HFM1: variants seen among roughly 807,000 people sequenced by gnomAD.
HFM1 encodes the protein probable ATP-dependent DNA helicase HFM1.
In HFM1, 169 loss-of-function variants were observed where a neutral mutation model predicts 192.1. That is an observed-to-expected ratio of 0.88 (90% CI 0.78 to 1.00). HFM1 has a LOEUF of 1.00. HFM1 is among the 50% of genes least tolerant of loss of function. The pLI is 0.00. For synonymous variants in HFM1, 525 were observed against 537.8 expected, an observed-to-expected ratio of 0.98 and a Z score of 0.33; for missense variants, 1,661 against 1,668.0, an observed-to-expected ratio of 1.00 and a Z score of 0.07.
At chr1:91,383,663 T>C (rs1661823301) in intron 6 of HFM1, among the ~76,000 whole-genome samples, 1 of 152,200 alleles carries the variant, frequency 6.6e-6, no homozygotes, top group African/African-American at 2.4e-5. Flanking sequence ...AATTCATTTT[T>C]CATTTTGTCA....
intron 30 of HFM1, among the ~76,000 whole-genome samples, chr1:91,299,425 CA>C (rs1205908537): frequency 6.6e-6 from 1 of 152,164 alleles, no homozygotes; most frequent in Admixed American, 6.5e-5. Context: ...AGCTCTGCAC[CA>C]ACCGGACCTA....
intron 34 of HFM1, among the ~76,000 whole-genome samples, chr1:91,269,125 A>G (rs1199715300): frequency 1.3e-5 from 2 of 152,102 alleles, no homozygotes; most frequent in Non-Finnish European, 2.9e-5. Flanking sequence ...CCAGATTGGT[A>G]GTATTTGCTG....
intron 13 of HFM1, among the ~76,000 whole-genome samples, chr1:91,360,171 G>GACAGGATCAAATTCAC (rs1658304429): frequency 6.6e-6 from 1 of 152,142 alleles, no homozygotes; most frequent in Non-Finnish European, 1.5e-5. Context: ...GCATCATGAT[G>GACAGGATCAAATTCAC]ACAGGATCAA....
chr1:91,268,068 T>C (rs1665933012), intron 34 of HFM1, among the ~76,000 whole-genome samples: 2 of 152,078 alleles, frequency 1.3e-5, no homozygotes, highest in South Asian at 4.1e-4. Flanking sequence ...AAACACATCT[T>C]TCAACTACTA....
intron 30 of HFM1, among the ~76,000 whole-genome samples, chr1:91,292,520 G>T (rs539895432): frequency 9.0e-4 from 137 of 151,580 alleles, no homozygotes; most frequent in African/African-American, 1.9e-3. Context: ...TCTTCAAGGA[G>T]AACTACAAAC....
intron 25 of HFM1, among the ~76,000 whole-genome samples, chr1:91,316,894 A>C (rs1476357176): frequency 6.6e-6 from 1 of 152,186 alleles, no homozygotes; most frequent in Non-Finnish European, 1.5e-5. Context: ...TCTGTCTTAG[A>C]AATACAGTTC....
chr1:91,399,670 C>A (rs1033039893), intron 2 of HFM1, among the ~76,000 whole-genome samples: 1 of 152,138 alleles, frequency 6.6e-6, no homozygotes, highest in Non-Finnish European at 1.5e-5. Context: ...TAACACTCTG[C>A]CTTCAAATGC....
At chr1:91,323,372 TTCAC>T (rs1652415508) in intron 21 of HFM1, among the ~76,000 whole-genome samples, 173 bp from the exon 22 acceptor site, 1 of 152,190 alleles carries the variant, frequency 6.6e-6, no homozygotes, top group Non-Finnish European at 1.5e-5. Flanking sequence ...GATTCATTCA[TTCAC>T]TAACAAATGC....
intron 19 of HFM1, among the ~76,000 whole-genome samples, chr1:91,344,381 C>T (rs1025230279): frequency 2.6e-5 from 4 of 152,130 alleles, no homozygotes; most frequent in Non-Finnish European, 4.4e-5. Flanking sequence ...TAGTGTTAAG[C>T]GTTTGGTTAA....
chr1:91,299,046 C>G (rs1184443538), intron 30 of HFM1, among the ~76,000 whole-genome samples: 1 of 152,154 alleles, frequency 6.6e-6, no homozygotes, highest in South Asian at 2.1e-4. Flanking sequence ...GGAAACCCAT[C>G]TCACGTGCAG....
intron 20 of HFM1, among the ~76,000 whole-genome samples, chr1:91,338,808 G>A (rs906967887): frequency 6.6e-6 from 1 of 152,074 alleles, no homozygotes; most frequent in African/African-American, 2.4e-5. Context: ...ACCACCACTG[G>A]TGCACATACC....
intron 35 of HFM1, among the ~76,000 whole-genome samples, chr1:91,267,543 C>T (rs1393461029): frequency 6.6e-6 from 1 of 151,968 alleles, no homozygotes; most frequent in Non-Finnish European, 1.5e-5. Flanking sequence ...CATGGAATAA[C>T]CTTGATCTCT....
chr1:91,287,145 G>A (rs1039936773), intron 30 of HFM1, among the ~76,000 whole-genome samples: 1 of 152,208 alleles, frequency 6.6e-6, no homozygotes, highest in African/African-American at 2.4e-5. Context: ...AGCTCGAACT[G>A]GGTGGAGCCC....
chr1:91,317,203 T>C (rs991859442), intron 25 of HFM1, among the ~76,000 whole-genome samples: 1 of 152,002 alleles, frequency 6.6e-6, no homozygotes, highest in East Asian at 1.9e-4. Flanking sequence ...TCACCTGAGG[T>C]CGGGAGTTCG....
intron 6 of HFM1, among the ~76,000 whole-genome samples, chr1:91,383,157 C>T (rs1661761697): frequency 1.3e-5 from 2 of 152,100 alleles, no homozygotes; most frequent in Non-Finnish European, 2.9e-5. Flanking sequence ...CAAGTGTAGG[C>T]AGTAGTCCTA....
At chr1:91,393,661 C>G (rs909405691) in intron 4 of HFM1, among the ~76,000 whole-genome samples, 2 of 152,058 alleles carry the variant, frequency 1.3e-5, no homozygotes, top group Non-Finnish European at 2.9e-5. Flanking sequence ...ATAAGATAAC[C>G]TTTCAAGTGG....
intron 19 of HFM1, among the ~76,000 whole-genome samples, chr1:91,347,024 A>G (rs371242284): frequency 1.4e-4 from 21 of 152,254 alleles, no homozygotes; most frequent in Admixed American, 8.5e-4. Flanking sequence ...CAGGAGGATC[A>G]TTTGAGCTCA....
chr1:91,274,810 C>A lies in HFM1; in HGVS notation c.3589-1G>T. On this transcript the variant is annotated splice_acceptor_variant, in intron 32 of 38. Coordinates refer to ENST00000370425, the MANE Select transcript of HFM1 (RefSeq NM_001017975.6). LOFTEE classifies it high-confidence loss of function. ...CACTTTGAGATTTATTCATCTGTAT[C>A]TATTAATGAAACAAAAATAAGTTCA... is the stretch of plus-strand genomic sequence containing the variant. 6.6e-7 allele frequency: 1 copy of A among 1,513,900 alleles called. No individual in the cohort carries two copies. Among genetic ancestry groups the A allele is most frequent in the Admixed American group, 1.7e-5 (1 of 57,360 alleles). The allele number at this position is 1,513,900 out of a possible 1,614,324, so 93.8% of individuals were successfully genotyped here.
At chr1:91,360,463 T>C (rs565818903) in intron 13 of HFM1, among the ~76,000 whole-genome samples, 1 of 152,282 alleles carries the variant, frequency 6.6e-6, no homozygotes, top group East Asian at 1.9e-4. Flanking sequence ...CATTACATAA[T>C]GGTAAAGGGA....
Sources: gnomAD v4.1 joint callset for allele counts (sites outside exome capture counted in the v4.1 genomes callset) on GRCh38, gnomAD v4.1.1 for gene constraint, MANE v1.5 for transcripts, NCBI Gene and HGNC (gene_info 2026-07-23, HGNC 2026-07-21) for gene names.